Variants in IPPK observed in about 807,000 individuals in gnomAD.
The protein encoded by IPPK is IPK1 homolog.
Under a neutral mutation model 64.6 loss-of-function variants are expected in IPPK, and 22 were observed. The ratio of observed to expected loss-of-function variants is 0.34; its 90% CI spans 0.24 to 0.49. The LOEUF (loss-of-function observed/expected upper bound fraction) is 0.49. IPPK is among the 20% of genes least tolerant of loss of function. The probability of loss-of-function intolerance (pLI) is 0.99; values close to 1 mark genes in which losing one functional copy is unlikely to be tolerated. For synonymous variants in IPPK, 262 were observed against 247.2 expected (o/e 1.06, Z -0.56); for missense variants, 532 against 630.7 (o/e 0.84, Z 1.68).
intron 11 of IPPK, among the ~76,000 whole-genome samples, chr9:92,627,711 T>C (rs1357970896): frequency 6.6e-6 from 1 of 152,162 alleles, no homozygotes; most frequent in Non-Finnish European, 1.5e-5. Context: ...TTCAATCTGA[T>C]AAAGGAATCT....
chr9:92,650,025 CAAAAA>C (rs976792024), intron 4 of IPPK, among the ~76,000 whole-genome samples: 1 of 68,708 alleles, frequency 1.5e-5, no homozygotes, highest in African/African-American at 5.7e-5. Context: ...GACTCTGTCT[CAAAAA>C]AAAAAAAAAA....
In IPPK at chr9:92,615,901, T is replaced by G. The variant is rs755845398; in HGVS notation, c.1407A>C (p.Lys469Asn). 6.2e-7 allele frequency: 1 copy of G among 1,614,208 alleles called. No individual in the cohort carries two copies. Among genetic ancestry groups the G allele is most frequent in the Non-Finnish European group, 8.5e-7 (1 of 1,180,038 alleles). ...ACCGAGTCGACATCACGGCGTTGTCTTTGGCACGTACAGTCTTTGAATAAT... is the reference window on the plus strand; with the variant it reads ...ACCGAGTCGACATCACGGCGTTGTCGTTGGCACGTACAGTCTTTGAATAAT... Reference protein sequence around the residue: ...VNYYSKTVRAKDNAVMSTRFK... With the variant: ...VNYYSKTVRANDNAVMSTRFK... Residue 469 changes from lysine (K) to asparagine (N), a missense_variant, in exon 13 of 13, where the codon AAA becomes AAC. Lys to Asn is a moderately conservative substitution (Grantham distance 94). Coordinates refer to ENST00000287996, the MANE Select transcript of IPPK (RefSeq NM_022755.6).
chr9:92,649,627 T>C (rs1017642271), intron 4 of IPPK, 53 bp from the exon 5 acceptor site: 3 of 1,605,648 alleles, frequency 1.9e-6, no homozygotes, highest in Non-Finnish European at 2.6e-6. Context: ...AGAGATGAGA[T>C]GATCCCTGCC....
rs1363447962 is a variant in IPPK at position 92,616,074 on chromosome 9, C to A, written c.1251-17G>T. ...TGATCAGAGCTGCAAGTAAAAAGTA[C>A]CATTTCAGGATACACAAGCCCCCCA... On this transcript the variant is annotated splice_polypyrimidine_tract_variant and intron_variant, in intron 12 of 12. Transcript: ENST00000287996. 6.4e-7 allele frequency: 1 copy of A among 1,574,792 alleles called. No homozygotes were observed. Among genetic ancestry groups the A allele is most frequent in the Admixed American group, 1.7e-5 (1 of 58,416 alleles).
Position 92,646,683 on chromosome 9 carries a change from C to A in IPPK, c.504+1376G>T, listed in dbSNP as rs375836932. 9.5e-4 allele frequency among the ~76,000 whole-genome samples: 144 copies of A among 152,252 alleles called. 5 individuals carry two copies. In the South Asian group the frequency reaches 0.03, roughly 31 times the overall value. ...CTACAATAAAAAGCTAGAGGCCGGG[C>A]ACGGTGGCTCACACCTGTAATCCCA... On this transcript the variant is annotated intron_variant, in intron 6 of 12. Coordinates refer to ENST00000287996, the MANE Select transcript of IPPK (RefSeq NM_022755.6).
Position 92,648,064 on chromosome 9 carries a change from G to C in IPPK, c.499C>G (p.Leu167Val). The C allele has an allele frequency of 1.2e-6, 2 of 1,611,956 alleles. No individual in the cohort carries two copies. The highest frequency in any genetic ancestry group is 1.7e-6 in the Non-Finnish European group (2 of 1,178,626). Residue 167 changes from leucine (L) to valine (V), a missense_variant, in exon 6 of 13, where the codon CTC becomes GTC. Transcript: ENST00000287996. ...KVCRYCMHQH[L>V]KVATGKWKQI... ...AGCTGGGCATTGGCTCTCACCTTGA[G>C]GTGCTGGTGCATGCAGTATCGACAG... is the stretch of plus-strand genomic sequence containing the variant.
chr9:92,668,757 G>A (rs1463168794), intron 1 of IPPK, among the ~76,000 whole-genome samples: 3 of 152,184 alleles, frequency 2.0e-5, no homozygotes, highest in Non-Finnish European at 4.4e-5. Flanking sequence ...CTTGAGCAAA[G>A]CTTGTAGTCT....
At chr9:92,637,886 G>A (rs1456605339) in intron 9 of IPPK, 115 bp downstream of exon 9, 2 of 1,148,600 alleles carry the variant, frequency 1.7e-6, no homozygotes, top group African/African-American at 3.1e-5. Context: ...GTAACCAGGT[G>A]GCATCCCCCA....
intron 1 of IPPK, 123 bp downstream of exon 1, chr9:92,669,784 CG>C: frequency 1.6e-6 from 1 of 625,046 alleles, no homozygotes; most frequent in Non-Finnish European, 2.7e-6. Flanking sequence ...GGAGACCGGC[CG>C]GGGAGGAGGA....
intron 4 of IPPK, among the ~76,000 whole-genome samples, chr9:92,651,317 G>C (rs996526155): frequency 6.6e-6 from 1 of 152,164 alleles, no homozygotes; most frequent in Admixed American, 6.5e-5. Flanking sequence ...TTATCTCTTT[G>C]ATCACTGACT....
intron 11 of IPPK, among the ~76,000 whole-genome samples, chr9:92,621,941 A>G (rs1175078345): frequency 1.3e-5 from 2 of 152,230 alleles, no homozygotes; most frequent in African/African-American, 2.4e-5. Flanking sequence ...GAGAAAGCAC[A>G]GTTCTTATCA....
At chr9:92,662,944 C>A (rs1042219797) in intron 1 of IPPK, among the ~76,000 whole-genome samples, 1 of 152,202 alleles carries the variant, frequency 6.6e-6, no homozygotes, top group Non-Finnish European at 1.5e-5. Context: ...AAGAACCCAG[C>A]CTGAGCATCA....
intron 2 of IPPK, among the ~76,000 whole-genome samples, chr9:92,657,775 G>A (rs759042149): frequency 6.6e-5 from 10 of 152,170 alleles, no homozygotes; most frequent in Non-Finnish European, 4.4e-5. Context: ...TTTCTCCCAT[G>A]GCTCTCTCCC....
rs759989715 is a variant in IPPK at position 92,615,867 on chromosome 9, T to C, written c.1441A>G (p.Ser481Gly). ...NAVMSTRFKESEDCTLVLHKV is the reference protein window; with the variant it reads ...NAVMSTRFKEGEDCTLVLHKV ...TGGAGAACTAATGTGCAATCTTCGC[T>C]TTCCTTGAACCGAGTCGACATCACG... Residue 481 changes from serine (S) to glycine (G), a missense_variant, in exon 13 of 13, where the codon AGC (serine) becomes GGC (glycine). Ser to Gly is a moderately conservative substitution (Grantham distance 56, BLOSUM62 0). Transcript: ENST00000287996. The C allele has an allele frequency of 6.2e-7, 1 of 1,614,208 alleles. No homozygotes were observed. Among genetic ancestry groups the C allele is most frequent in the South Asian group, 1.1e-5 (1 of 91,082 alleles).
In IPPK at chr9:92,656,464, G is replaced by T; in HGVS notation, c.217C>A (p.His73Asn). ...GAATAAAAAGCACTTACCCCATAAT[G>T]AACATAGTTCTCCCCCAAAAACTCC... is the stretch of plus-strand genomic sequence containing the variant. ...MKEFLGENYV[H>N]YGEVVQLPLE... Residue 73 changes from histidine (H) to asparagine (N), a missense_variant, in exon 3 of 13, where the codon CAT (histidine) becomes AAT (asparagine). By Grantham distance (68) the His-to-Asn change is moderately conservative (BLOSUM62 1). Coordinates refer to ENST00000287996, the MANE Select transcript of IPPK (RefSeq NM_022755.6). The T allele has an allele frequency of 6.2e-7, 1 of 1,606,700 alleles. No homozygotes were observed. Among genetic ancestry groups the T allele is most frequent in the Admixed American group, 1.7e-5 (1 of 60,016 alleles).
At position 92,619,506 on chromosome 9, in the gene IPPK, A is replaced by T; in HGVS notation, c.1230T>A (p.Ser410=). 1.3e-6 allele frequency: 2 copies of T among 1,592,300 alleles called. No homozygotes were observed. The highest frequency in any genetic ancestry group is 1.7e-6 in the Non-Finnish European group (2 of 1,169,762). ...AKDCSIMIAL[S]PCLQDASSDQ... is the part of the protein sequence containing the mutation. ...CTCACCTGGCATCCTGCAGACAGGG[A>T]GACAGTGCAATCATGATGGAGCAGT... Residue 410 remains serine (S), a synonymous_variant, in exon 12 of 13, where the codon TCT becomes TCA. Coordinates refer to ENST00000287996, the MANE Select transcript of IPPK (RefSeq NM_022755.6).
At chr9:92,653,711 T>TG (rs1442159624) in intron 3 of IPPK, among the ~76,000 whole-genome samples, 1 of 152,058 alleles carries the variant, frequency 6.6e-6, no homozygotes, top group Non-Finnish European at 1.5e-5. Context: ...TAGCCGGGTG[T>TG]GGTGGCGCAC....
chr9:92,648,137 C>A lies in IPPK; in HGVS notation c.426G>T (p.Gly142=). ...TGACATCACTCGAGAAAGGAATAAACCCACATTTTGGCTGTAAAATAAACA... is the reference window on the plus strand; with the variant it reads ...TGACATCACTCGAGAAAGGAATAAAACCACATTTTGGCTGTAAAATAAACA... ...ILCVEIKPKC[G]FIPFSSDVTH... is the part of the protein sequence containing the mutation. Residue 142 remains glycine (G), a synonymous_variant, in exon 6 of 13, where the codon GGG becomes GGT. Coordinates refer to ENST00000287996, the MANE Select transcript of IPPK (RefSeq NM_022755.6). 6.2e-7 allele frequency: 1 copy of A among 1,612,868 alleles called. No homozygotes were observed. Among genetic ancestry groups the A allele is most frequent in the Non-Finnish European group, 8.5e-7 (1 of 1,179,288 alleles).
chr9:92,666,804 C>T (rs2131467446), intron 1 of IPPK, among the ~76,000 whole-genome samples: 1 of 152,340 alleles, frequency 6.6e-6, no homozygotes, highest in African/African-American at 2.4e-5. Context: ...CTATGGCTGG[C>T]CTGCTATTTA....
Sources: gnomAD v4.1 joint callset for allele counts (sites outside exome capture counted in the v4.1 genomes callset) on GRCh38, gnomAD v4.1.1 for gene constraint, MANE v1.5 for transcripts, NCBI Gene and HGNC (gene_info 2026-07-23, HGNC 2026-07-21) for gene names.